Variants in EXOC4 observed in about 807,000 individuals in gnomAD.
EXOC4 encodes the protein SEC8-like 1.
Under a neutral mutation model 107.2 loss-of-function variants are expected in EXOC4, and 71 were observed. That is an observed-to-expected ratio of 0.66 (90% CI 0.55 to 0.81). The LOEUF is 0.81. Among genes scored for constraint, EXOC4 ranks in the 30% least tolerant of loss-of-function variants. EXOC4 has a pLI of 0.00. For missense variants in EXOC4, 1,108 were observed against 1,189.6 expected, an observed-to-expected ratio of 0.93 and a Z score of 1.01; for synonymous variants, 456 against 441.2, an observed-to-expected ratio of 1.03 and a Z score of -0.42.
intron 6 of EXOC4, among the ~76,000 whole-genome samples, chr7:133,371,361 C>T (rs1295841452): frequency 6.6e-6 from 1 of 152,114 alleles, no homozygotes; most frequent in Non-Finnish European, 1.5e-5. Flanking sequence ...CGTTTATGTC[C>T]TCCCTAAAAC....
At chr7:133,801,467 A>G (rs1796941115) in intron 10 of EXOC4, among the ~76,000 whole-genome samples, 4 of 152,194 alleles carry the variant, frequency 2.6e-5, no homozygotes, top group African/African-American at 7.2e-5. Context: ...GTGCAGGCCT[A>G]ATTCTCGTGT....
chr7:133,435,356 G>A (rs1797945689), intron 7 of EXOC4, among the ~76,000 whole-genome samples: 1 of 151,820 alleles, frequency 6.6e-6, no homozygotes, highest in African/African-American at 2.4e-5. Flanking sequence ...CTTTTTGGGG[G>A]TAGGTTATCA....
At chr7:133,739,915 G>A (rs17167240) in intron 10 of EXOC4, among the ~76,000 whole-genome samples, 33,655 of 152,064 alleles carry the variant, frequency 0.22, 4,953 homozygotes, top group East Asian at 0.45. Context: ...GTATTTCCTT[G>A]CATCATTATT....
chr7:133,853,574 C>T (rs917838136), intron 11 of EXOC4, among the ~76,000 whole-genome samples: 2 of 152,238 alleles, frequency 1.3e-5, no homozygotes, highest in African/African-American at 2.4e-5. Context: ...TTGACTATCG[C>T]CACCTCTATC....
At chr7:133,578,111 T>G (rs1801172942) in intron 9 of EXOC4, among the ~76,000 whole-genome samples, 1 of 152,174 alleles carries the variant, frequency 6.6e-6, no homozygotes, top group African/African-American at 2.4e-5. Context: ...TGTCTTAATT[T>G]GTTGAAATTG....
At chr7:133,791,290 A>G (rs893670667) in intron 10 of EXOC4, among the ~76,000 whole-genome samples, 3 of 152,230 alleles carry the variant, frequency 2.0e-5, no homozygotes, top group Admixed American at 6.5e-5. Flanking sequence ...CATGCATGAT[A>G]TGGCCACAAA....
chr7:133,751,452 A>G (rs1313704633), intron 10 of EXOC4, among the ~76,000 whole-genome samples: 2 of 152,272 alleles, frequency 1.3e-5, no homozygotes, highest in African/African-American at 4.8e-5. Flanking sequence ...GCCTCCACCC[A>G]AAGTTGATTT....
At chr7:133,664,432 C>T (rs922759475) in intron 10 of EXOC4, among the ~76,000 whole-genome samples, 1 of 152,098 alleles carries the variant, frequency 6.6e-6, no homozygotes, top group Non-Finnish European at 1.5e-5. Flanking sequence ...GTATGTTGGT[C>T]TGCGAGTACG....
chr7:133,489,504 C>T (rs374470509), intron 9 of EXOC4, among the ~76,000 whole-genome samples: 33 of 152,256 alleles, frequency 2.2e-4, no homozygotes, highest in East Asian at 1.9e-3. Flanking sequence ...TACCCCTGAA[C>T]GAGTACTGTA....
At chr7:133,399,549 A>G (rs1797044294) in intron 7 of EXOC4, among the ~76,000 whole-genome samples, 1 of 152,240 alleles carries the variant, frequency 6.6e-6, no homozygotes, top group South Asian at 2.1e-4. Context: ...TCCATTATAA[A>G]ACTAATTTCT....
chr7:133,784,799 G>A (rs1796535701), intron 10 of EXOC4, among the ~76,000 whole-genome samples: 1 of 152,138 alleles, frequency 6.6e-6, no homozygotes, highest in Non-Finnish European at 1.5e-5. Flanking sequence ...AGGCCATGTG[G>A]TTCAGAACAG....
chr7:133,274,112 TC>T (rs1467499975), intron 1 of EXOC4, among the ~76,000 whole-genome samples: 3 of 152,204 alleles, frequency 2.0e-5, no homozygotes, highest in African/African-American at 7.2e-5. Context: ...TCTATCTCAT[TC>T]CCTGGTTATT....
chr7:134,069,043 C>A (rs1796228913), downstream of EXOC4, among the ~76,000 whole-genome samples: 1 of 152,084 alleles, frequency 6.6e-6, no homozygotes, highest in Non-Finnish European at 1.5e-5. Context: ...TCCATATTTC[C>A]CCTCTCGATT....
chr7:133,608,546 CTTTTTTTTTTTTT>C (rs1161155238), intron 9 of EXOC4, among the ~76,000 whole-genome samples: 20 of 85,026 alleles, frequency 2.4e-4, no homozygotes, highest in South Asian at 1.4e-3. Flanking sequence ...TGCTGTATTT[CTTTTTTTTTTTTT>C]TTTTTTTTTT....
intron 11 of EXOC4, among the ~76,000 whole-genome samples, chr7:133,839,190 C>T (rs1715447708): frequency 6.6e-6 from 1 of 152,184 alleles, no homozygotes; most frequent in Non-Finnish European, 1.5e-5. Flanking sequence ...TTTGAAAAAT[C>T]ACTTCTTTGG....
intron 17 of EXOC4, among the ~76,000 whole-genome samples, chr7:134,063,350 C>T (rs577764232): frequency 1.5e-4 from 23 of 152,300 alleles, no homozygotes; most frequent in African/African-American, 4.6e-4. Flanking sequence ...TATTAACGCA[C>T]GGTACTAGGA....
chr7:134,067,632 T>TACACACACACACAC (rs1177750777), downstream of EXOC4, among the ~76,000 whole-genome samples: 309 of 98,484 alleles, frequency 3.1e-3, 4 homozygotes, highest in African/African-American at 0.01. Flanking sequence ...CTCTTATATA[T>TACACACACACACAC]ATATATACAC....
intron 10 of EXOC4, among the ~76,000 whole-genome samples, chr7:133,650,937 G>GTGTTTTTTT (rs1803130151): frequency 1.1e-5 from 1 of 88,692 alleles, no homozygotes; most frequent in Non-Finnish European, 2.2e-5. Flanking sequence ...AGATTGGTCA[G>GTGTTTTTTT]TTTTTTTTTT....
intron 9 of EXOC4, among the ~76,000 whole-genome samples, chr7:133,627,772 A>AT (rs889559319): frequency 1.3e-5 from 2 of 152,072 alleles, no homozygotes; most frequent in Non-Finnish European, 2.9e-5. Flanking sequence ...TACAAGATGG[A>AT]TTTTTTTTAA....
Sources: allele counts gnomAD v4.1 joint callset (sites outside exome capture counted in the v4.1 genomes callset), GRCh38; gene constraint gnomAD v4.1.1; transcripts MANE v1.5; gene names NCBI Gene and HGNC (gene_info 2026-07-23, HGNC 2026-07-21).